Variants in ASTN1 observed in about 807,000 individuals in gnomAD.
The protein encoded by ASTN1 is astrotactin 1.
ASTN1 carries 41 observed loss-of-function variants against 140.7 expected under a neutral mutation model. That is an observed-to-expected ratio of 0.29 (90% CI 0.23 to 0.38). The LOEUF (loss-of-function observed/expected upper bound fraction) is 0.38. Among genes scored for constraint, ASTN1 ranks in the 10% least tolerant of loss-of-function variants. ASTN1 has a pLI of 1.00. For synonymous variants in ASTN1, 640 were observed against 652.2 expected (o/e 0.98, Z 0.29); for missense variants, 1,479 against 1,678.8 (o/e 0.88, Z 2.08).
intron 16 of ASTN1, among the ~76,000 whole-genome samples, chr1:176,914,736 G>T (rs1206916334): frequency 6.6e-6 from 1 of 152,192 alleles, no homozygotes; most frequent in Admixed American, 6.5e-5. Context: ...TAGCCAAAAG[G>T]CTGTAACAAC....
At chr1:176,934,131 G>A in intron 16 of ASTN1, 21 bp downstream of exon 16, 1 of 1,590,534 alleles carries the variant, frequency 6.3e-7, no homozygotes, top group African/African-American at 1.3e-5. Context: ...TATGGAATTT[G>A]CCAACAAGCA....
chr1:176,914,650 G>A (rs149851662), intron 16 of ASTN1, among the ~76,000 whole-genome samples: 4 of 152,292 alleles, frequency 2.6e-5, no homozygotes, highest in East Asian at 3.9e-4. Context: ...GCACTAAACC[G>A]AGTTAAACTG....
intron 14 of ASTN1, among the ~76,000 whole-genome samples, chr1:176,942,700 G>A (rs1307934169): frequency 1.3e-5 from 2 of 150,556 alleles, no homozygotes; most frequent in African/African-American, 2.4e-5. Flanking sequence ...TCAAAAGAAT[G>A]CAACCATTTG....
At chr1:176,911,012 C>T (rs1255896565) in intron 16 of ASTN1, among the ~76,000 whole-genome samples, 1 of 152,174 alleles carries the variant, frequency 6.6e-6, no homozygotes, top group Non-Finnish European at 1.5e-5. Context: ...GTCCCTGGTG[C>T]CAAAAAGGTG....
chr1:176,936,388 G>A lies in ASTN1; in HGVS notation c.2378-18C>T, dbSNP rs749875051. ...CACCATCCCTAAGGACAGAAGAGAT[G>A]TAAGCTGAGTTCTGATACTGATTCA... On this transcript the variant is annotated intron_variant, in intron 14 of 22. Transcript: ENST00000361833. 5.0e-6 allele frequency: 8 copies of A among 1,592,594 alleles called. No homozygotes were observed. In the Admixed American group the frequency reaches 6.7e-5, roughly 13 times the overall value.
At chr1:176,883,202 C>A (rs934258029) in intron 19 of ASTN1, among the ~76,000 whole-genome samples, 3 of 150,412 alleles carry the variant, frequency 2.0e-5, no homozygotes, top group African/African-American at 7.3e-5. Context: ...ACAACTAGGG[C>A]AAGGGATACA....
chr1:177,139,301 C>T (rs1342539168), intron 1 of ASTN1, among the ~76,000 whole-genome samples: 1 of 152,104 alleles, frequency 6.6e-6, no homozygotes, highest in Middle Eastern at 3.2e-3. Context: ...AACTGTGGGA[C>T]TTTTGATATA....
intron 16 of ASTN1, among the ~76,000 whole-genome samples, chr1:176,913,369 C>T (rs1404356247): frequency 6.6e-6 from 1 of 152,148 alleles, no homozygotes; most frequent in Non-Finnish European, 1.5e-5. Flanking sequence ...CTTTCTGATG[C>T]TATTGATAGG....
At chr1:176,958,271 C>T (rs924235229) in intron 10 of ASTN1, 74 bp downstream of exon 10, 23 of 1,603,634 alleles carry the variant, frequency 1.4e-5, no homozygotes, top group Non-Finnish European at 1.9e-5. Context: ...TTCCCCAGCA[C>T]CTAAAACCTA....
chr1:176,869,135 A>G (rs1271582956), intron 21 of ASTN1, 108 bp from the exon 22 acceptor site: 8 of 731,884 alleles, frequency 1.1e-5, no homozygotes, highest in East Asian at 9.7e-5. Flanking sequence ...ACATATAAAC[A>G]TATGTAGATC....
At chr1:177,036,941 T>A (rs1422519729) in intron 2 of ASTN1, among the ~76,000 whole-genome samples, 1 of 152,106 alleles carries the variant, frequency 6.6e-6, no homozygotes, top group East Asian at 1.9e-4. Context: ...CACCTCAACC[T>A]CCCAAGTAGC....
intron 1 of ASTN1, among the ~76,000 whole-genome samples, chr1:177,153,387 C>A (rs1433565045): frequency 1.3e-5 from 2 of 151,974 alleles, no homozygotes; most frequent in African/African-American, 4.8e-5. Context: ...GAACTGTGAG[C>A]CAAATAAGCC....
At position 177,093,385 on chromosome 1, in the gene ASTN1, C is replaced by T. The variant is rs192808590; in HGVS notation, c.284-32120G>A. ...GTTAGAGTCATCAAAAGAATTTGCC[C>T]ATTTCTGGCACAGGCAGGATTTCAC... On this transcript the variant is annotated intron_variant, in intron 1 of 22. Coordinates refer to ENST00000361833, the MANE Select transcript of ASTN1 (RefSeq NM_004319.3). Among the ~76,000 whole-genome samples the T allele has an allele frequency of 7.1e-4, 108 of 152,242 alleles. 1 individual carries two copies. Among genetic ancestry groups the T allele is most frequent in the African/African-American group, 2.3e-3 (96 of 41,538 alleles).
At chr1:176,996,022 A>C (rs1674422599) in intron 8 of ASTN1, among the ~76,000 whole-genome samples, 1 of 152,152 alleles carries the variant, frequency 6.6e-6, no homozygotes, top group South Asian at 2.1e-4. Flanking sequence ...AACTCCACCA[A>C]CTGGCCTTCC....
intron 2 of ASTN1, among the ~76,000 whole-genome samples, chr1:177,036,456 T>A (rs906417410): frequency 1.3e-5 from 2 of 152,102 alleles, no homozygotes; most frequent in Non-Finnish European, 2.9e-5. Flanking sequence ...GTGGTATGGG[T>A]TCTCTGCTTC....
intron 8 of ASTN1, among the ~76,000 whole-genome samples, chr1:176,980,602 G>C (rs1363301442): frequency 6.6e-6 from 1 of 152,044 alleles, no homozygotes; most frequent in East Asian, 1.9e-4. Flanking sequence ...TAGGTTGAGT[G>C]GGGAGGAAAT....
intron 7 of ASTN1, among the ~76,000 whole-genome samples, chr1:177,017,542 C>T (rs61813295): frequency 6.6e-6 from 1 of 152,228 alleles, no homozygotes; most frequent in African/African-American, 2.4e-5. Context: ...AAAGACCCCA[C>T]AAGGGTGTTG....
At chr1:176,895,453 T>C (rs899930004) in intron 16 of ASTN1, among the ~76,000 whole-genome samples, 3 of 152,232 alleles carry the variant, frequency 2.0e-5, no homozygotes, top group Non-Finnish European at 4.4e-5. Context: ...CCACAGCTAG[T>C]AGATTGTGAG....
At chr1:176,919,111 G>C (rs1268535330) in intron 16 of ASTN1, among the ~76,000 whole-genome samples, 1 of 152,076 alleles carries the variant, frequency 6.6e-6, no homozygotes, top group Non-Finnish European at 1.5e-5. Flanking sequence ...AATATTTTGT[G>C]GATTCTTTAT....
Sources: allele counts gnomAD v4.1 joint callset (sites outside exome capture counted in the v4.1 genomes callset), GRCh38; gene constraint gnomAD v4.1.1; transcripts MANE v1.5; gene names NCBI Gene and HGNC (gene_info 2026-07-23, HGNC 2026-07-21).